MYO16: variants seen among roughly 807,000 people sequenced by gnomAD.
The protein encoded by MYO16 is unconventional myosin-XVI.
A neutral mutation model predicts 205.3 loss-of-function variants in MYO16; 94 were observed. The observed-to-expected ratio is 0.46, with a 90% CI of 0.39 to 0.54. MYO16 has a LOEUF of 0.54. Among genes scored for constraint, MYO16 ranks in the 20% least tolerant of loss-of-function variants. The probability of loss-of-function intolerance (pLI) is 0.00; values close to 1 mark genes in which losing one functional copy is unlikely to be tolerated. For missense variants in MYO16, 2,315 were observed against 2,387.5 expected (o/e 0.97, Z 0.63); for synonymous variants, 988 against 954.0 (o/e 1.04, Z -0.66).
At chr13:109,089,061 C>T (rs922689898) in intron 27 of MYO16, among the ~76,000 whole-genome samples, 1 of 152,042 alleles carries the variant, frequency 6.6e-6, no homozygotes. Flanking sequence ...AAAACAACCA[C>T]CGCCACAATG....
intron 2 of MYO16, among the ~76,000 whole-genome samples, chr13:108,696,713 G>A (rs77813882): frequency 0.042 from 6,313 of 152,084 alleles, 186 homozygotes; most frequent in South Asian, 0.12. Context: ...ATTAAGATTC[G>A]TACATTTTAC....
At chr13:109,146,788 A>G (rs1877352947) in intron 32 of MYO16, among the ~76,000 whole-genome samples, 1 of 151,916 alleles carries the variant, frequency 6.6e-6, no homozygotes, top group Admixed American at 6.6e-5. Flanking sequence ...AGAGCAATAC[A>G]CTGCCCAGAA....
chr13:108,948,404 C>G (rs1883016202), intron 16 of MYO16, among the ~76,000 whole-genome samples: 2 of 152,206 alleles, frequency 1.3e-5, no homozygotes, highest in South Asian at 4.1e-4. Context: ...ACAAGTTTGT[C>G]TTTAAGTAGT....
intron 28 of MYO16, among the ~76,000 whole-genome samples, chr13:109,119,573 A>G (rs1310994984): frequency 6.6e-6 from 1 of 152,200 alleles, no homozygotes; most frequent in Non-Finnish European, 1.5e-5. Flanking sequence ...TAAGCACAAC[A>G]CACAAGAGAA....
chr13:109,193,694 A>G (rs1175686359), intron 34 of MYO16, among the ~76,000 whole-genome samples: 1 of 152,130 alleles, frequency 6.6e-6, no homozygotes, highest in African/African-American at 2.4e-5. Context: ...CTCTCCTCTG[A>G]AGGCTATGTG....
intron 12 of MYO16, among the ~76,000 whole-genome samples, chr13:108,872,700 A>C (rs1481269602): frequency 1.3e-5 from 2 of 151,720 alleles, no homozygotes; most frequent in African/African-American, 4.8e-5. Flanking sequence ...TGATTTTATA[A>C]AATGAATTTG....
chr13:108,590,500 A>G, the MYO16 span, among the ~76,000 whole-genome samples: 2 of 152,194 alleles, frequency 1.3e-5, no homozygotes, highest in Non-Finnish European at 2.9e-5. Context: ...GATATGTTGA[A>G]CCTGTAATCA....
chr13:108,837,271 C>A (rs113465559), intron 9 of MYO16, among the ~76,000 whole-genome samples: 3,123 of 152,202 alleles, frequency 0.021, 99 homozygotes, highest in African/African-American at 0.07. Flanking sequence ...TGCCTTCTGC[C>A]ATGATTGTAA....
In MYO16 at chr13:108,790,675, T is replaced by C. The variant is rs549214597; in HGVS notation, c.617-2841T>C. On this transcript the variant is annotated intron_variant, in intron 5 of 34. Coordinates refer to ENST00000457511, the MANE Select transcript of MYO16 (RefSeq NM_001198950.3). ...TGTATTAACCAAAAGTGATTTGGGCTACTTTCCTGAATATATATTTTAAAA... is the reference window on the plus strand; with the variant it reads ...TGTATTAACCAAAAGTGATTTGGGCCACTTTCCTGAATATATATTTTAAAA... Among the ~76,000 whole-genome samples, 6 of 152,326 alleles carry C rather than the reference T, an allele frequency of 3.9e-5. No homozygotes were observed. The South Asian group carries it at 1.2e-3, about 32-fold the overall frequency.
chr13:108,573,090 G>T, the MYO16 span, among the ~76,000 whole-genome samples: 3 of 152,134 alleles, frequency 2.0e-5, no homozygotes, highest in African/African-American at 7.2e-5. Context: ...GCTGTAACTG[G>T]CATGCTTTTT....
In MYO16 at chr13:108,709,653, A is replaced by T. The variant is rs559443999; in HGVS notation, c.293-3008A>T. ...AATTTTCTTCTCAAAATTATTATAA[A>T]CTAATTATTACACAAATGATATTTT... On this transcript the variant is annotated intron_variant, in intron 2 of 34. Coordinates refer to ENST00000457511, the MANE Select transcript of MYO16 (RefSeq NM_001198950.3). Among the ~76,000 whole-genome samples, 2 of 135,916 alleles carry T rather than the reference A, an allele frequency of 1.5e-5. 1 individual carries two copies. Among genetic ancestry groups the T allele is most frequent in the South Asian group, 5.5e-4 (2 of 3,658 alleles). 89.2% of individuals were successfully genotyped at this position (135,916 alleles called of 152,430 possible). A position where few individuals can be genotyped will look rare whatever the true frequency, so the allele number is the denominator to read the frequency against.
upstream of MYO16, among the ~76,000 whole-genome samples, chr13:108,591,169 T>G (rs1451021876): frequency 6.6e-6 from 1 of 152,062 alleles, no homozygotes; most frequent in African/African-American, 2.4e-5. Context: ...TTACCTGCAT[T>G]CGAAAAAGAT....
intron 27 of MYO16, among the ~76,000 whole-genome samples, chr13:109,086,032 A>C (rs1277634978): frequency 6.6e-6 from 1 of 152,242 alleles, no homozygotes; most frequent in Non-Finnish European, 1.5e-5. Context: ...TGTTAAAACA[A>C]GTTCAAATGA....
chr13:108,581,839 G>A, the MYO16 span, among the ~76,000 whole-genome samples: 6 of 147,918 alleles, frequency 4.1e-5, no homozygotes, highest in East Asian at 2.0e-4. Flanking sequence ...AGATCATGCC[G>A]TTGCACTCCA....
At chr13:108,740,675 CATTTAA>C (rs1884875781) in intron 4 of MYO16, among the ~76,000 whole-genome samples, 1 of 152,162 alleles carries the variant, frequency 6.6e-6, no homozygotes, top group Non-Finnish European at 1.5e-5. Flanking sequence ...CAGACAGGGA[CATTTAA>C]ATCTGCAGAG....
rs749323237 is a variant in MYO16 at position 108,844,472 on chromosome 13, C to A, written c.1227C>A (p.Ser409Arg). The change falls in exon 10 of 35, where the codon AGC (serine) becomes AGA (arginine). Residue 409 changes from serine (S) to arginine (R), a missense_variant. Ser to Arg is a moderately radical substitution (Grantham distance 110). Transcript: ENST00000457511. ...QDSIPENPMM[S>R]GSTKPEQVKL... The stretch of plus-strand genomic sequence containing the variant: ...GCATCCCTGAAAACCCCATGATGAG[C>A]GGTTCCACCAAACCCGAGCAGGTAA... 6.2e-7 allele frequency: 1 copy of A among 1,609,904 alleles called. No individual in the cohort carries two copies. The highest frequency in any genetic ancestry group is 2.2e-5 in the East Asian group (1 of 44,850).
At chr13:109,163,623 T>G (rs1180958753) in intron 32 of MYO16, among the ~76,000 whole-genome samples, 2 of 151,994 alleles carry the variant, frequency 1.3e-5, no homozygotes. Flanking sequence ...CTTCTTTCTG[T>G]AGATTGCAAC....
chr13:109,207,495 C>T lies in MYO16; in HGVS notation c.*659C>T, dbSNP rs1409171170. On this transcript the variant is annotated 3_prime_UTR_variant, in exon 35 of 35. Transcript: ENST00000457511. ...TGTTGTTTTAGCTTCGCCAGTGTCACCCCTTGCAAAACTATGAATTGAGCC... is the reference window on the plus strand; with the variant it reads ...TGTTGTTTTAGCTTCGCCAGTGTCATCCCTTGCAAAACTATGAATTGAGCC... 1 of 152,078 alleles carries T rather than the reference C, an allele frequency of 6.6e-6. No individual in the cohort carries two copies. Among genetic ancestry groups the T allele is most frequent in the Admixed American group, 6.6e-5 (1 of 15,252 alleles). The allele number at this position is 152,078 out of a possible 1,614,324, so 9.4% of individuals were successfully genotyped here.
intron 34 of MYO16, among the ~76,000 whole-genome samples, chr13:109,205,509 T>G (rs1194788370): frequency 6.6e-6 from 1 of 152,220 alleles, no homozygotes; most frequent in Non-Finnish European, 1.5e-5. Flanking sequence ...AAGTAGTTAG[T>G]GCTTTGGAGG....
Sources: allele counts gnomAD v4.1 joint callset (sites outside exome capture counted in the v4.1 genomes callset), GRCh38; gene constraint gnomAD v4.1.1; transcripts MANE v1.5; gene names NCBI Gene and HGNC (gene_info 2026-07-23, HGNC 2026-07-21).